Variants in RAD51B observed in about 807,000 individuals in gnomAD.
RAD51B encodes RAD51 paralog B.
RAD51B carries 38 observed loss-of-function variants against 42.2 expected under a neutral mutation model. The observed-to-expected ratio is 0.90, with a 90% confidence interval of 0.70 to 1.18. The LOEUF (loss-of-function observed/expected upper bound fraction) is 1.18, where lower values mean the gene tolerates loss of function less well. Ranked by LOEUF, RAD51B falls within the 50% of genes most tolerant of loss-of-function variation. The probability of loss-of-function intolerance (pLI) is 0.00; values close to 1 mark genes in which losing one functional copy is unlikely to be tolerated. For synonymous variants in RAD51B, 154 were observed against 145.2 expected, an observed-to-expected ratio of 1.06 and a Z score of -0.43; for missense variants, 373 against 400.7, an observed-to-expected ratio of 0.93 and a Z score of 0.59.
At chr14:68,570,525 T>G (rs1889642095) in intron 10 of RAD51B, among the ~76,000 whole-genome samples, 1 of 152,150 alleles carries the variant, frequency 6.6e-6, no homozygotes, top group African/African-American at 2.4e-5. Context: ...TACTAAACAC[T>G]CTATGCTATT....
intron 8 of RAD51B, among the ~76,000 whole-genome samples, chr14:68,321,395 C>G (rs1402079966): frequency 6.6e-6 from 1 of 152,308 alleles, no homozygotes; most frequent in East Asian, 1.9e-4. Flanking sequence ...GCCAAGCTTG[C>G]AAAGGTTTTG....
intron 10 of RAD51B, among the ~76,000 whole-genome samples, chr14:68,532,614 A>G (rs2525519): frequency 0.92 from 140,391 of 152,210 alleles, 65,583 homozygotes; most frequent in Non-Finnish European, 0.99. Flanking sequence ...CTACCCAAAA[A>G]ACATTGGGCA....
At chr14:68,376,053 G>A (rs569933232) in intron 8 of RAD51B, among the ~76,000 whole-genome samples, 3 of 152,046 alleles carry the variant, frequency 2.0e-5, no homozygotes, top group African/African-American at 4.8e-5. Context: ...TTTATTTCAC[G>A]CACACCCAAG....
intron 7 of RAD51B, among the ~76,000 whole-genome samples, chr14:67,989,635 CAAAAAA>C (rs764608072): frequency 1.3e-3 from 86 of 66,896 alleles, no homozygotes; most frequent in African/African-American, 4.9e-3. Context: ...AACTCTGTCT[CAAAAAA>C]AAAAAAAAAA....
chr14:67,893,320 T>TA (rs1202109357), intron 7 of RAD51B, among the ~76,000 whole-genome samples: 1 of 151,564 alleles, frequency 6.6e-6, no homozygotes, highest in African/African-American at 2.4e-5. Flanking sequence ...AATAAAAAGT[T>TA]AAAAAAAGAA....
intron 10 of RAD51B, among the ~76,000 whole-genome samples, chr14:68,549,651 T>C (rs1227199642): frequency 6.6e-6 from 1 of 151,614 alleles, no homozygotes. Context: ...CCTGACCTCG[T>C]GATCCGCCCG....
chr14:68,536,973 C>T (rs991009516), intron 10 of RAD51B, among the ~76,000 whole-genome samples: 5 of 150,478 alleles, frequency 3.3e-5, no homozygotes, highest in African/African-American at 1.2e-4. Flanking sequence ...TCCTGCTACT[C>T]GGGAGGCTGA....
At chr14:68,319,309 G>A (rs1393915862) in intron 8 of RAD51B, among the ~76,000 whole-genome samples, 1 of 152,044 alleles carries the variant, frequency 6.6e-6, no homozygotes, top group Admixed American at 6.5e-5. Context: ...ATATTGTACT[G>A]GGACCTACTC....
At chr14:68,391,281 G>A (rs1458717256) in intron 8 of RAD51B, among the ~76,000 whole-genome samples, 5 of 150,994 alleles carry the variant, frequency 3.3e-5, no homozygotes, top group Admixed American at 6.6e-5. Flanking sequence ...CATTTGTGTT[G>A]TCACATATAT....
chr14:68,598,248 A>ATTCG (rs1320122804), downstream of RAD51B, among the ~76,000 whole-genome samples: 4 of 152,060 alleles, frequency 2.6e-5, no homozygotes, highest in African/African-American at 9.7e-5. Flanking sequence ...TCATTCATTC[A>ATTCG]TTCATTCATT....
intron 7 of RAD51B, among the ~76,000 whole-genome samples, chr14:68,055,367 A>G (rs2076457841): frequency 6.6e-6 from 1 of 152,202 alleles, no homozygotes; most frequent in South Asian, 2.1e-4. Context: ...TAATGTAGGT[A>G]GTAAATGTTA....
At chr14:68,241,579 G>A (rs1001608207) in intron 7 of RAD51B, among the ~76,000 whole-genome samples, 2 of 152,060 alleles carry the variant, frequency 1.3e-5, no homozygotes, top group African/African-American at 4.8e-5. Flanking sequence ...CAATCATGGT[G>A]TCATGATAAA....
At chr14:68,525,026 G>C (rs947502189) in intron 10 of RAD51B, among the ~76,000 whole-genome samples, 4 of 144,820 alleles carry the variant, frequency 2.8e-5, no homozygotes, top group Non-Finnish European at 6.4e-5. Flanking sequence ...GAGAATTAAG[G>C]AAGCAAAAAA....
intron 4 of RAD51B, chr14:67,843,555 A>C (rs1388875252): frequency 6.6e-6 from 1 of 151,986 alleles, no homozygotes; most frequent in Non-Finnish European, 1.5e-5. Context: ...TCTGTTCATT[A>C]GTTTAATTTC....
intron 7 of RAD51B, among the ~76,000 whole-genome samples, chr14:68,272,980 G>A (rs1343580340): frequency 6.6e-6 from 1 of 151,648 alleles, no homozygotes; most frequent in Admixed American, 6.6e-5. Flanking sequence ...CACTGCGCCT[G>A]GCCCAACACT....
intron 8 of RAD51B, among the ~76,000 whole-genome samples, chr14:68,334,678 T>C (rs1297919922): frequency 6.6e-6 from 1 of 152,106 alleles, no homozygotes; most frequent in African/African-American, 2.4e-5. Context: ...TTTAAGTTGA[T>C]TCCATATCTT....
At chr14:68,594,251 G>A (rs551562978) in intron 10 of RAD51B, among the ~76,000 whole-genome samples, 1 of 152,256 alleles carries the variant, frequency 6.6e-6, no homozygotes, top group South Asian at 2.1e-4. Context: ...GGGAGAGAGA[G>A]AGGAAAAGGA....
Position 68,647,804 on chromosome 14 carries a change from G to A in RAD51B, c.1037-2977G>A, listed in dbSNP as rs189382022. 4.1e-3 allele frequency among the ~76,000 whole-genome samples: 624 copies of A among 151,866 alleles called. 4 individuals are homozygous for A. The highest frequency in any genetic ancestry group is 5.6e-3 in the Non-Finnish European group (382 of 67,968). On this transcript the variant is annotated intron_variant, in intron 10 of 11. Coordinates refer to the RAD51B transcript ENST00000488612. ...AGCGATTCTCCTGCCTCAGCCTCCC[G>A]AGTAGCCGGAATTACAGGCATGCAC...
At chr14:68,118,981 A>G (rs1312825273) in intron 7 of RAD51B, among the ~76,000 whole-genome samples, 3 of 151,844 alleles carry the variant, frequency 2.0e-5, no homozygotes, top group African/African-American at 2.4e-5. Context: ...TATTGAGACA[A>G]AGTCTCACTC....
Sources: gnomAD v4.1 joint callset for allele counts (sites outside exome capture counted in the v4.1 genomes callset) on GRCh38, gnomAD v4.1.1 for gene constraint, MANE v1.5 for transcripts, NCBI Gene and HGNC (gene_info 2026-07-23, HGNC 2026-07-21) for gene names.